FARP1: variants seen among roughly 807,000 people sequenced by gnomAD.
FARP1 encodes the protein FERM, ARH/RhoGEF and pleckstrin domain protein 1.
In FARP1, 52 loss-of-function variants were observed where a neutral mutation model predicts 128.8. The ratio of observed to expected loss-of-function variants is 0.40; its 90% confidence interval spans 0.32 to 0.51. The LOEUF (loss-of-function observed/expected upper bound fraction) is 0.51. Among genes scored for constraint, FARP1 ranks in the 20% least tolerant of loss-of-function variants. FARP1 has a pLI of 0.45. For missense variants in FARP1, 1,333 were observed against 1,367.9 expected (o/e 0.97, Z 0.40); for synonymous variants, 580 against 551.8 (o/e 1.05, Z -0.72).
chr13:98,301,492 T>C (rs758264359), intron 2 of FARP1, among the ~76,000 whole-genome samples: 42 of 152,312 alleles, frequency 2.8e-4, no homozygotes, highest in Admixed American at 1.8e-3. Context: ...CGTTCTCTTC[T>C]CTCTGTTAGA....
chr13:98,201,725 C>T lies in FARP1; in HGVS notation c.-23-11495C>T, dbSNP rs1197966062. On this transcript the variant is annotated intron_variant, in intron 1 of 26. Coordinates refer to ENST00000319562, the MANE Select transcript of FARP1 (RefSeq NM_005766.4). ...TTTTGCTCTGAGTTTTCCTTATTTT[C>T]CAGAGACTTGTCAGGGTTATTTAAG... Among the ~76,000 whole-genome samples the T allele has an allele frequency of 2.0e-5, 3 of 152,064 alleles. No homozygotes were observed. In the East Asian group the frequency reaches 5.8e-4, roughly 29 times the overall value.
Position 98,390,086 on chromosome 13 carries a change from G to A in FARP1, c.985G>A (p.Val329Ile), listed in dbSNP as rs764383338. The change falls in exon 10 of 27, where the codon GTC becomes ATC. Residue 329 changes from valine to isoleucine, a missense_variant. Physicochemically the swap from Val to Ile is conservative, Grantham distance 29 (BLOSUM62 3). Around this residue, in one of 2 missense-constraint regions of FARP1, gnomAD observed 1,009 missense variants for 969.8 expected, o/e 1.04. Transcript: ENST00000319562. ...FEEPKPKPKP[V>I]LFSRGSSFRF... The stretch of plus-strand genomic sequence containing the variant: ...AGAGCCCAAACCAAAGCCCAAGCCC[G>A]TCCTCTTTAGCCGGGGGTCATCATT... 1.8e-5 allele frequency: 29 copies of A among 1,613,964 alleles called. 1 individual carries two copies. Among genetic ancestry groups the A allele is most frequent in the Non-Finnish European group, 2.3e-5 (27 of 1,180,012 alleles).
intron 9 of FARP1, among the ~76,000 whole-genome samples, chr13:98,389,130 G>A (rs1171250010): frequency 1.3e-5 from 2 of 152,234 alleles, no homozygotes; most frequent in Admixed American, 6.5e-5. Flanking sequence ...GGCTTATAGT[G>A]TAGCTACAGT....
intron 1 of FARP1, among the ~76,000 whole-genome samples, chr13:98,196,700 G>A (rs1879587463): frequency 6.6e-6 from 1 of 152,174 alleles, no homozygotes; most frequent in African/African-American, 2.4e-5. Context: ...CAGTCTGGTG[G>A]TCAACCTGAT....
At chr13:98,236,520 A>G (rs904633667) in intron 2 of FARP1, among the ~76,000 whole-genome samples, 1 of 152,238 alleles carries the variant, frequency 6.6e-6, no homozygotes, top group African/African-American at 2.4e-5. Context: ...GAGTTTTAAA[A>G]ATAAATATAT....
In FARP1 at chr13:98,377,830, C is replaced by G. The variant is rs143801985; in HGVS notation, c.408C>G (p.Phe136Leu). The change falls in exon 6 of 27, where the codon TTC becomes TTG. Residue 136 changes from phenylalanine (F) to leucine (L), a missense_variant. Transcript: ENST00000319562. ...QLQEELTRYL[F>L]ALQVKQDLAQ... ...CTGTTGATCTTCGCAGGTACCTGTT[C>G]GCGCTGCAGGTGAAGCAGGACTTGG... 3.7e-6 allele frequency: 6 copies of G among 1,613,426 alleles called. No individual in the cohort carries two copies. In the Admixed American group the frequency reaches 8.3e-5, roughly 22 times the overall value.
intron 1 of FARP1, among the ~76,000 whole-genome samples, chr13:98,184,165 C>G (rs1417860625): frequency 6.6e-6 from 1 of 152,012 alleles, no homozygotes; most frequent in Non-Finnish European, 1.5e-5. Context: ...TTGCCCAGGC[C>G]GGAGAGTGGT....
intron 1 of FARP1, among the ~76,000 whole-genome samples, chr13:98,202,517 G>A (rs1880014119): frequency 6.6e-6 from 1 of 152,114 alleles, no homozygotes; most frequent in African/African-American, 2.4e-5. Flanking sequence ...TTTAAAACTG[G>A]AAGAGGGGAA....
At chr13:98,234,810 AG>A (rs1468979187) in intron 2 of FARP1, 2 of 152,242 alleles carry the variant, frequency 1.3e-5, no homozygotes, top group African/African-American at 4.8e-5. Context: ...ATTCTGAGAA[AG>A]CAAATTGAGC....
chr13:98,391,916 T>C (rs1418297989), intron 11 of FARP1, among the ~76,000 whole-genome samples: 2 of 152,160 alleles, frequency 1.3e-5, no homozygotes, highest in African/African-American at 2.4e-5. Context: ...TAAAAAACTT[T>C]TTTCATTTTC....
chr13:98,173,943 C>T (rs1420806198), intron 1 of FARP1, among the ~76,000 whole-genome samples: 3 of 152,300 alleles, frequency 2.0e-5, no homozygotes, highest in South Asian at 4.2e-4. Flanking sequence ...TCTGAGGGGT[C>T]GCTCCAGCGT....
Position 98,256,948 on chromosome 13 carries a change from GATATATATATATATATATATATAT to G in FARP1, c.171+43555_171+43578del, listed in dbSNP as rs56701739. 5.8e-4 allele frequency among the ~76,000 whole-genome samples: 45 copies of G among 77,096 alleles called. 2 individuals carry two copies. The highest frequency in any genetic ancestry group is 1.7e-3 in the East Asian group (4 of 2,374). 50.6% of individuals were successfully genotyped at this position (77,096 alleles called of 152,430 possible). A position where few individuals can be genotyped will look rare whatever the true frequency, so the allele number is the denominator to read the frequency against. On this transcript the variant is annotated intron_variant, in intron 2 of 26. Coordinates refer to ENST00000319562, the MANE Select transcript of FARP1 (RefSeq NM_005766.4). ...CAATAATTTTCAAAGTATATATGTG[GATATATATATATATATATATATAT>G]ATATATATATATATATATACCGAAA... is the stretch of plus-strand genomic sequence containing the variant.
intron 2 of FARP1, among the ~76,000 whole-genome samples, chr13:98,242,859 G>T (rs1882853102): frequency 6.6e-6 from 1 of 152,120 alleles, no homozygotes. Context: ...CATTATCTGT[G>T]TCTTTCACTA....
rs576565289 is a variant in FARP1 at position 98,374,369 on chromosome 13, G to A, written c.399-3452G>A. ...AGCCCCCAGAGGTTGAGGCTGCAGT[G>A]AGCAGTGATTGTACCACTGCACTCC... On this transcript the variant is annotated intron_variant, in intron 5 of 26. Transcript: ENST00000319562. 3.6e-3 allele frequency among the ~76,000 whole-genome samples: 542 copies of A among 152,228 alleles called. 7 individuals carry two copies. Among genetic ancestry groups the A allele is most frequent in the African/African-American group, 0.012 (518 of 41,530 alleles).
chr13:98,413,727 G>GTGT (rs1422109592), intron 16 of FARP1, among the ~76,000 whole-genome samples: 1 of 152,162 alleles, frequency 6.6e-6, no homozygotes, highest in African/African-American at 2.4e-5. Flanking sequence ...AACCTTTCAC[G>GTGT]TGTGTTCTGC....
Position 98,431,255 on chromosome 13 carries a change from C to G in FARP1, c.2118C>G (p.Ser706Arg). 6.3e-7 allele frequency: 1 copy of G among 1,590,468 alleles called. No homozygotes were observed. Residue 706 changes from serine (S) to arginine (R), a missense_variant, in exon 18 of 27, where the codon AGC becomes AGG. By Grantham distance (110) the Ser-to-Arg change is moderately radical (BLOSUM62 -1). Around this residue, in one of 2 missense-constraint regions of FARP1, gnomAD observed 1,009 missense variants for 969.8 expected, o/e 1.04. Transcript: ENST00000319562. ...LERLCKHHPP[S>R]HADFRDCRAA... ...GGCTGTGCAAACACCACCCGCCGAG[C>G]CACGCCGACTTCAGGGACTGCCGAG...
intron 1 of FARP1, among the ~76,000 whole-genome samples, chr13:98,184,050 T>C (rs1432688781): frequency 6.6e-6 from 1 of 152,170 alleles, no homozygotes; most frequent in African/African-American, 2.4e-5. Context: ...CCCAGTTAGA[T>C]TTTAACTTTT....
chr13:98,232,609 G>A (rs1566773736), intron 2 of FARP1, among the ~76,000 whole-genome samples: 1 of 152,118 alleles, frequency 6.6e-6, no homozygotes, highest in Non-Finnish European at 1.5e-5. Context: ...TTTAAGGTAT[G>A]CACACTGTTT....
At chr13:98,439,237 G>A (rs929628909) in intron 21 of FARP1, 41 bp downstream of exon 21, 2 of 1,444,464 alleles carry the variant, frequency 1.4e-6, no homozygotes, top group Non-Finnish European at 1.9e-6. Flanking sequence ...CTGTCCTCGG[G>A]GGCAGCAGGT....
Sources: gnomAD v4.1 joint callset for allele counts (sites outside exome capture counted in the v4.1 genomes callset) on GRCh38, gnomAD v4.1.1 for gene constraint, gnomAD v4.1.1 regional missense constraint, MANE v1.5 for transcripts, NCBI Gene and HGNC (gene_info 2026-07-23, HGNC 2026-07-21) for gene names.